The following TRIO variants were observed in gnomAD, a reference collection of about 807,000 sequenced individuals.
TRIO encodes the protein triple functional domain protein.
A neutral mutation model predicts 351.9 loss-of-function variants in TRIO; 58 were observed. The ratio of observed to expected loss-of-function variants is 0.16; its 90% confidence interval spans 0.13 to 0.21. The LOEUF (loss-of-function observed/expected upper bound fraction) is 0.21. Among genes scored for constraint, TRIO ranks in the 10% least tolerant of loss-of-function variants. The probability of loss-of-function intolerance (pLI) is 1.00; values close to 1 mark genes in which losing one functional copy is unlikely to be tolerated. For missense variants in TRIO, 3,201 were observed against 4,027.8 expected (o/e 0.79, Z 5.56); for synonymous variants, 1,758 against 1,595.7 (o/e 1.10, Z -2.42).
At chr5:14,361,537 C>G (rs558113833) in intron 13 of TRIO, among the ~76,000 whole-genome samples, 1 of 152,220 alleles carries the variant, frequency 6.6e-6, no homozygotes, top group Non-Finnish European at 1.5e-5. Context: ...GCCAGGTTTC[C>G]TCTGTTATCC....
At chr5:14,337,584 G>A (rs769593001) in intron 11 of TRIO, among the ~76,000 whole-genome samples, 22 of 152,256 alleles carry the variant, frequency 1.4e-4, no homozygotes, top group Admixed American at 2.6e-4. Flanking sequence ...CATAGGATGG[G>A]AAAAAGGATC....
Position 14,487,978 on chromosome 5 carries a change from G to C in TRIO, c.7350G>C (p.Arg2450=), listed in dbSNP as rs760522101. 1.3e-6 allele frequency: 2 copies of C among 1,555,400 alleles called. No homozygotes were observed. The highest frequency in any genetic ancestry group is 1.7e-6 in the Non-Finnish European group (2 of 1,150,632). The change falls in exon 48 of 57, where the codon CGG becomes CGC. Residue 2450 remains arginine (R), a synonymous_variant. Coordinates refer to ENST00000344204, the MANE Select transcript of TRIO (RefSeq NM_007118.4). ...GCACCCTGCCGCTTGGGAAGCCCCG[G>C]GCCGGGGCCGCTTCGCCGCTGAACT... ...SLGTLPLGKP[R]AGAASPLNSP... is the part of the protein sequence containing the mutation.
chr5:14,164,623 G>A (rs1319264707), intron 1 of TRIO, among the ~76,000 whole-genome samples: 4 of 150,792 alleles, frequency 2.7e-5, no homozygotes. Context: ...GCCTCTCAAC[G>A]TACTGGATTT....
rs950400810 is a variant in TRIO at position 14,473,929 on chromosome 5, A to C, written c.5980-65A>C. 3.4e-5 allele frequency: 52 copies of C among 1,512,604 alleles called. No homozygotes were observed. The Admixed American group carries it at 7.2e-4, about 21-fold the overall frequency. 93.7% of individuals were successfully genotyped at this position (1,512,604 alleles called of 1,614,324 possible). On this transcript the variant is annotated intron_variant, in intron 39 of 56. Coordinates refer to ENST00000344204, the MANE Select transcript of TRIO (RefSeq NM_007118.4). ...ATTTTGCCCTCTGTGACTATTAATC[A>C]ATAAGCCACTAGTTGATTCAGACAT...
rs572701050 is a variant in TRIO, at chr5:14,397,161, G to A, written c.4423+7G>A. 2 of 1,594,628 alleles carry A rather than the reference G, an allele frequency of 1.3e-6. No homozygotes were observed. Among genetic ancestry groups the A allele is most frequent in the African/African-American group, 1.3e-5 (1 of 74,886 alleles). On this transcript the variant is annotated splice_region_variant and intron_variant, in intron 29 of 56. Transcript: ENST00000344204. ...CACCTCAGCATGCTGGAAGGTAAAG[G>A]ACCCTCCATACCCCAGTGTGCATCT... is the stretch of plus-strand genomic sequence containing the variant.
intron 35 of TRIO, among the ~76,000 whole-genome samples, chr5:14,462,263 A>T (rs3849083): frequency 0.051 from 7,838 of 152,290 alleles, 636 homozygotes; most frequent in African/African-American, 0.18. Flanking sequence ...TCTTAGGAAA[A>T]CTAAAACTGA....
intron 1 of TRIO, among the ~76,000 whole-genome samples, chr5:14,249,920 C>T (rs902844231): frequency 6.6e-6 from 1 of 152,100 alleles, no homozygotes; most frequent in Non-Finnish European, 1.5e-5. Flanking sequence ...ATTTTCATAC[C>T]AAGTTCATAA....
At chr5:14,248,103 T>A (rs1353854971) in intron 1 of TRIO, among the ~76,000 whole-genome samples, 1 of 151,406 alleles carries the variant, frequency 6.6e-6, no homozygotes, top group African/African-American at 2.4e-5. Context: ...CCACTGCCCC[T>A]TCTTTGCAGC....
At chr5:14,407,577 G>T (rs1049086091) in intron 33 of TRIO, among the ~76,000 whole-genome samples, 1 of 152,216 alleles carries the variant, frequency 6.6e-6, no homozygotes, top group African/African-American at 2.4e-5. Flanking sequence ...GTGGCCCTGA[G>T]ATGCCCTCTC....
rs1258255497 is a variant in TRIO, at chr5:14,359,602, C to T, written c.2391+71C>T. 5.2e-6 allele frequency: 8 copies of T among 1,550,858 alleles called. No individual in the cohort carries two copies. The African/African-American group carries it at 9.5e-5, about 18-fold the overall frequency. On this transcript the variant is annotated intron_variant, in intron 13 of 56. Coordinates refer to ENST00000344204, the MANE Select transcript of TRIO (RefSeq NM_007118.4). The stretch of plus-strand genomic sequence containing the variant: ...GCTTCCTCCACAGCACCGGCGCCCT[C>T]TTGTCTCTGCCCTGCTGAGGTCCTG...
At chr5:14,424,381 A>G (rs185938114) in intron 34 of TRIO, among the ~76,000 whole-genome samples, 302 of 152,296 alleles carry the variant, frequency 2.0e-3, no homozygotes, top group Non-Finnish European at 3.1e-3. Context: ...AGGCATTCAC[A>G]ATTTTAAAGT....
intron 34 of TRIO, among the ~76,000 whole-genome samples, chr5:14,425,812 GC>G (rs1425680629): frequency 3.3e-5 from 5 of 152,156 alleles, no homozygotes; most frequent in Non-Finnish European, 7.4e-5. Flanking sequence ...TGAGGAGCAG[GC>G]CCTCTTTAAA....
rs150018384 is a variant in TRIO at position 14,423,855 on chromosome 5, G to A, written c.5203+3834G>A. 1.1e-3 allele frequency among the ~76,000 whole-genome samples: 173 copies of A among 150,988 alleles called. 3 individuals carry two copies. In the East Asian group the frequency reaches 0.029, roughly 25 times the overall value. On this transcript the variant is annotated intron_variant, in intron 34 of 56. Coordinates refer to ENST00000344204, the MANE Select transcript of TRIO (RefSeq NM_007118.4). ...AAAACCACCCCAGGGCCTGTGTCCC[G>A]CACTACTGCTGCCCAGAGCCTTTGC...
chr5:14,479,895 C>T (rs775105069), intron 42 of TRIO, 24 bp from the exon 43 acceptor site: 16 of 1,611,748 alleles, frequency 9.9e-6, no homozygotes, highest in Non-Finnish European at 1.4e-5. Flanking sequence ...CCCATACGAT[C>T]TTTTCTCTCT....
At chr5:14,369,352 C>T (rs200345274) in intron 17 of TRIO, 22 bp from the exon 18 acceptor site, 36 of 1,587,408 alleles carry the variant, frequency 2.3e-5, no homozygotes, top group Non-Finnish European at 3.0e-5. Flanking sequence ...AAGTCTGAGC[C>T]TCAAACTTTT....
chr5:14,185,158 G>A (rs538454296), intron 1 of TRIO, among the ~76,000 whole-genome samples: 21 of 67,546 alleles, frequency 3.1e-4, no homozygotes, highest in Admixed American at 5.5e-4. Flanking sequence ...CCCCTTCCCC[G>A]CCCCCCACCA....
At chr5:14,488,813 G>A (rs1579809231) in intron 48 of TRIO, 1 of 643,294 alleles carries the variant, frequency 1.6e-6, no homozygotes, top group Middle Eastern at 3.9e-4. Context: ...CACTGGGAAC[G>A]CTTTACGTCA....
intron 1 of TRIO, among the ~76,000 whole-genome samples, chr5:14,241,407 A>G (rs1794121220): frequency 6.6e-6 from 1 of 152,204 alleles, no homozygotes; most frequent in Admixed American, 6.5e-5. Context: ...AGATCATACA[A>G]TTTGTACATA....
At chr5:14,314,576 A>C (rs1739216094) in intron 8 of TRIO, among the ~76,000 whole-genome samples, 1 of 152,252 alleles carries the variant, frequency 6.6e-6, no homozygotes, top group South Asian at 2.1e-4. Context: ...TTGTGGGAAG[A>C]TCAGTATGTT....
Sources: allele counts gnomAD v4.1 joint callset (sites outside exome capture counted in the v4.1 genomes callset), GRCh38; gene constraint gnomAD v4.1.1; transcripts MANE v1.5; gene names NCBI Gene and HGNC (gene_info 2026-07-23, HGNC 2026-07-21).